XNDC1N: variants seen among roughly 807,000 people sequenced by gnomAD.
XNDC1N encodes the protein protein XNDC1N.
the XNDC1N span, among the ~76,000 whole-genome samples, chr11:71,898,904 A>G: frequency 6.6e-6 from 1 of 152,148 alleles, no homozygotes; most frequent in Non-Finnish European, 1.5e-5. Flanking sequence ...ATATATATTT[A>G]TAATTTTTAA....
chr11:71,889,031 G>C, the XNDC1N span, among the ~76,000 whole-genome samples: 11,043 of 152,186 alleles, frequency 0.073, 646 homozygotes, highest in African/African-American at 0.16. Flanking sequence ...AGGAGAGGTG[G>C]AGGGTATGCA....
the XNDC1N span, among the ~76,000 whole-genome samples, chr11:71,919,242 A>C: frequency 3.9e-5 from 6 of 152,226 alleles, no homozygotes; most frequent in African/African-American, 1.4e-4. Flanking sequence ...GACCTCCTTT[A>C]ATCTTCATAA....
the XNDC1N span, among the ~76,000 whole-genome samples, chr11:71,905,899 A>G: frequency 6.6e-6 from 1 of 152,078 alleles, no homozygotes; most frequent in Non-Finnish European, 1.5e-5. Context: ...TTAAAGTAAT[A>G]TCTCTCTATC....
At chr11:71,927,254 C>T in the XNDC1N span, among the ~76,000 whole-genome samples, 1 of 152,266 alleles carries the variant, frequency 6.6e-6, no homozygotes, top group African/African-American at 2.4e-5. Context: ...ATCACTCAGG[C>T]TGGGCACAGT....
chr11:71,910,662 C>A, the XNDC1N span, among the ~76,000 whole-genome samples: 2 of 152,188 alleles, frequency 1.3e-5, no homozygotes, highest in African/African-American at 4.8e-5. Flanking sequence ...GATCTGCCGA[C>A]AGCAGGTACG....
the XNDC1N span, among the ~76,000 whole-genome samples, chr11:71,927,203 C>T: frequency 6.6e-6 from 1 of 151,940 alleles, no homozygotes; most frequent in Admixed American, 6.6e-5. Context: ...GCAGTTATCA[C>T]GCCACTGCAC....
the XNDC1N span, among the ~76,000 whole-genome samples, chr11:71,924,247 C>T: frequency 2.6e-5 from 4 of 152,028 alleles, no homozygotes; most frequent in African/African-American, 4.8e-5. Context: ...GGTGTGGTGG[C>T]GTGTGCCTGT....
chr11:71,891,967 C>G, the XNDC1N span, among the ~76,000 whole-genome samples: 1 of 151,700 alleles, frequency 6.6e-6, no homozygotes, highest in East Asian at 1.9e-4. Flanking sequence ...AACAATATCC[C>G]GGCGGGAGGT....
At chr11:71,912,750 G>T in the XNDC1N span, among the ~76,000 whole-genome samples, 22 of 152,166 alleles carry the variant, frequency 1.4e-4, no homozygotes, top group East Asian at 4.3e-3. Flanking sequence ...TATCAGGAAG[G>T]GATGTACAGA....
chr11:71,867,273 G>T, the XNDC1N span, among the ~76,000 whole-genome samples: 7 of 152,168 alleles, frequency 4.6e-5, no homozygotes, highest in Non-Finnish European at 8.8e-5. Context: ...TAAGTAGAAG[G>T]TCCCCAGCCT....
At chr11:71,910,431 G>A in the XNDC1N span, among the ~76,000 whole-genome samples, 1 of 152,164 alleles carries the variant, frequency 6.6e-6, no homozygotes, top group Non-Finnish European at 1.5e-5. Flanking sequence ...CACTTGGACC[G>A]GGTTTCCCCA....
At chr11:71,884,238 G>A in the XNDC1N span, 106 of 711,238 alleles carry the variant, frequency 1.5e-4, 1 homozygote, top group African/African-American at 5.0e-4. Flanking sequence ...AGAAATCATC[G>A]TTTGTCTTTA....
chr11:71,869,574 T>G, the XNDC1N span, among the ~76,000 whole-genome samples: 26 of 152,230 alleles, frequency 1.7e-4, no homozygotes, highest in African/African-American at 5.5e-4. Flanking sequence ...TAAATTCTCA[T>G]AGAGAGTTTT....
At chr11:71,912,909 C>T in the XNDC1N span, among the ~76,000 whole-genome samples, 4 of 152,026 alleles carry the variant, frequency 2.6e-5, no homozygotes, top group African/African-American at 9.7e-5. Context: ...GGGGTGTACT[C>T]CCCCTTGCAT....
chr11:71,907,464 C>T, the XNDC1N span, among the ~76,000 whole-genome samples: 1 of 47,784 alleles, frequency 2.1e-5, no homozygotes, highest in South Asian at 7.4e-4. Context: ...AGAGCCAGCC[C>T]CTCTTGCCCC....
chr11:71,888,181 A>C, the XNDC1N span, among the ~76,000 whole-genome samples: 5 of 152,168 alleles, frequency 3.3e-5, no homozygotes, highest in African/African-American at 7.2e-5. Flanking sequence ...AGAAGTGTCC[A>C]AGAGGAAAGC....
the XNDC1N span, chr11:71,927,802 T>G: frequency 6.6e-6 from 1 of 152,270 alleles, no homozygotes; most frequent in East Asian, 1.9e-4. Flanking sequence ...ATTTACAATA[T>G]TCTCCGTATT....
At chr11:71,877,687 C>A in the XNDC1N span, among the ~76,000 whole-genome samples, 5 of 152,206 alleles carry the variant, frequency 3.3e-5, no homozygotes, top group Non-Finnish European at 7.3e-5. Context: ...CCTCTTTAAG[C>A]ATTCCCTACG....
the XNDC1N span, among the ~76,000 whole-genome samples, chr11:71,873,862 T>G: frequency 3.3e-5 from 5 of 152,350 alleles, no homozygotes; most frequent in South Asian, 1.0e-3. Flanking sequence ...TAATTTGATT[T>G]AATTTGCATT....
Sources: gnomAD v4.1 joint callset for allele counts (sites outside exome capture counted in the v4.1 genomes callset) on GRCh38, gnomAD v4.1.1 for gene constraint, MANE v1.5 for transcripts, NCBI Gene and HGNC (gene_info 2026-07-23, HGNC 2026-07-21) for gene names.